RANBP2: variants seen among roughly 807,000 people sequenced by gnomAD.
RANBP2 encodes the protein E3 SUMO-protein ligase RanBP2.
Under a neutral mutation model 303.6 loss-of-function variants are expected in RANBP2, and 57 were observed. The observed-to-expected ratio is 0.19, with a 90% CI of 0.15 to 0.23. The LOEUF (loss-of-function observed/expected upper bound fraction) is 0.23, where lower values mean the gene tolerates loss of function less well. Among genes scored for constraint, RANBP2 ranks in the 10% least tolerant of loss-of-function variants. The pLI is 1.00. For synonymous variants in RANBP2, 1,167 were observed against 1,301.5 expected, an observed-to-expected ratio of 0.90 and a Z score of 2.23; for missense variants, 3,138 against 3,780.8, an observed-to-expected ratio of 0.83 and a Z score of 4.46.
At chr2:109,433,353 T>C in the RANBP2 span, among the ~76,000 whole-genome samples, 1 of 152,392 alleles carries the variant, frequency 6.6e-6, no homozygotes, top group Admixed American at 6.5e-5. Context: ...CAGTGTTTAA[T>C]AAGTTCTCAG....
chr2:109,236,078 C>T, the RANBP2 span, among the ~76,000 whole-genome samples: 1 of 152,186 alleles, frequency 6.6e-6, no homozygotes, highest in Admixed American at 6.5e-5. Flanking sequence ...TCGCCTTGAC[C>T]TATTATAATA....
the RANBP2 span, among the ~76,000 whole-genome samples, chr2:109,021,218 CTG>C: frequency 4.0e-3 from 616 of 152,230 alleles, 1 homozygote; most frequent in Non-Finnish European, 6.5e-3. Context: ...AGCATGGGGT[CTG>C]TGTGAAAAGT....
chr2:108,930,847 C>A, the RANBP2 span: 4 of 1,145,534 alleles, frequency 3.5e-6, no homozygotes, highest in East Asian at 9.4e-5. Context: ...CTCAGAAGAA[C>A]CCTGTGGAGG....
At chr2:109,760,640 C>T in the RANBP2 span, among the ~76,000 whole-genome samples, 94 of 141,846 alleles carry the variant, frequency 6.6e-4, no homozygotes, top group African/African-American at 2.1e-3. Context: ...TGAGCGGCGC[C>T]TTTCGTCGCA....
the RANBP2 span, among the ~76,000 whole-genome samples, chr2:109,687,359 T>C: frequency 6.6e-6 from 1 of 152,188 alleles, no homozygotes; most frequent in African/African-American, 2.4e-5. Flanking sequence ...ACTTCTTATA[T>C]TTTGGCTCCA....
chr2:109,684,440 C>T, the RANBP2 span, among the ~76,000 whole-genome samples: 1 of 151,610 alleles, frequency 6.6e-6, no homozygotes. Flanking sequence ...GAGGTTTCAC[C>T]ATCTTGTCCA....
the RANBP2 span, among the ~76,000 whole-genome samples, chr2:109,526,682 G>A: frequency 1.3e-5 from 2 of 152,120 alleles, no homozygotes; most frequent in South Asian, 2.1e-4. Flanking sequence ...GTGCACGGAT[G>A]TGTCTGCCAT....
the RANBP2 span, among the ~76,000 whole-genome samples, chr2:109,764,003 C>G: frequency 6.9e-6 from 1 of 144,178 alleles, no homozygotes; most frequent in Non-Finnish European, 1.5e-5. Context: ...CCTCCTTTGC[C>G]TTCTTGCACG....
the RANBP2 span, among the ~76,000 whole-genome samples, chr2:108,970,877 C>A: frequency 1.3e-5 from 2 of 152,182 alleles, no homozygotes; most frequent in Non-Finnish European, 2.9e-5. Flanking sequence ...GTCTACAGGA[C>A]TGAACAAATA....
In RANBP2 at chr2:108,777,189, T is replaced by C. The variant is rs747879659; in HGVS notation, c.8557T>C (p.Leu2853=). 1.9e-5 allele frequency: 31 copies of C among 1,613,478 alleles called. No individual in the cohort carries two copies. The highest frequency in any genetic ancestry group is 2.5e-5 in the Non-Finnish European group (30 of 1,179,636). Residue 2853 remains leucine, a synonymous_variant, in exon 25 of 29, where the codon TTG becomes CTG. Transcript: ENST00000283195. ...GSSTGLSFAD[L]ASSNSGDFAF... ...TAGCACAGGGCTCTCATTTGCAGACTTGGCTTCCAGTAATTCTGGAGATTT... is the reference window on the plus strand; with the variant it reads ...TAGCACAGGGCTCTCATTTGCAGACCTGGCTTCCAGTAATTCTGGAGATTT...
chr2:109,190,629 CT>C, the RANBP2 span, among the ~76,000 whole-genome samples: 51 of 152,112 alleles, frequency 3.4e-4, no homozygotes, highest in African/African-American at 1.2e-3. Flanking sequence ...ATTGCAGCGA[CT>C]TGGTGAAAAT....
chr2:109,588,639 G>A, the RANBP2 span, among the ~76,000 whole-genome samples: 88 of 151,834 alleles, frequency 5.8e-4, no homozygotes, highest in Middle Eastern at 3.4e-3. Context: ...GATAATAGGC[G>A]CCCACCACGC....
At chr2:109,520,659 A>G in the RANBP2 span, among the ~76,000 whole-genome samples, 4,536 of 111,576 alleles carry the variant, frequency 0.041, 211 homozygotes, top group Non-Finnish European at 0.063. Context: ...GGCCAGGCAC[A>G]GCGGCTCACG....
At chr2:109,324,872 A>G in the RANBP2 span, among the ~76,000 whole-genome samples, 1 of 152,228 alleles carries the variant, frequency 6.6e-6, no homozygotes, top group Non-Finnish European at 1.5e-5. Context: ...ACGCTGGCAC[A>G]CTGTCTCCTG....
At chr2:109,688,639 C>T in the RANBP2 span, among the ~76,000 whole-genome samples, 76 of 151,664 alleles carry the variant, frequency 5.0e-4, no homozygotes, top group Non-Finnish European at 9.0e-4. Context: ...ATTAGCTGGG[C>T]GTAGTGGCGC....
the RANBP2 span, chr2:108,883,835 A>G: frequency 6.6e-6 from 1 of 152,284 alleles, no homozygotes. Context: ...GCCCCTTTAT[A>G]AATTACGCAC....
chr2:109,559,964 A>G, the RANBP2 span, among the ~76,000 whole-genome samples: 1 of 122,302 alleles, frequency 8.2e-6, no homozygotes, highest in Non-Finnish European at 1.6e-5. Flanking sequence ...TCTGTCACCC[A>G]GGCTGGAGTG....
the RANBP2 span, among the ~76,000 whole-genome samples, chr2:109,177,092 T>G: frequency 6.6e-6 from 1 of 152,140 alleles, no homozygotes; most frequent in African/African-American, 2.4e-5. Flanking sequence ...GACAATAAGC[T>G]CTGTTTACTG....
chr2:109,313,896 A>G, the RANBP2 span, among the ~76,000 whole-genome samples: 1 of 131,832 alleles, frequency 7.6e-6, no homozygotes, highest in Non-Finnish European at 1.5e-5. Flanking sequence ...TGGAGGAGAT[A>G]TTTGAAAGGT....
Sources: allele counts gnomAD v4.1 joint callset (sites outside exome capture counted in the v4.1 genomes callset), GRCh38; gene constraint gnomAD v4.1.1; transcripts MANE v1.5; gene names NCBI Gene and HGNC (gene_info 2026-07-23, HGNC 2026-07-21).